The following SEMA4D variants were observed in gnomAD, a reference collection of about 807,000 sequenced individuals.
SEMA4D encodes semaphorin 4D, also known as semaphorin-4D.
SEMA4D carries 22 observed loss-of-function variants against 74.8 expected under a neutral mutation model. The observed-to-expected ratio is 0.29, with a 90% CI of 0.21 to 0.42. The LOEUF is 0.42. Among genes scored for constraint, SEMA4D ranks in the 10% least tolerant of loss-of-function variants. The pLI, the probability that SEMA4D is intolerant of heterozygous loss-of-function variation, is 1.00. For missense variants in SEMA4D, 937 were observed against 1,118.4 expected (o/e 0.84, Z 2.31); for synonymous variants, 445 against 463.7 (o/e 0.96, Z 0.52).
intron 9 of SEMA4D, 91 bp from the exon 10 acceptor site, chr9:89,389,138 C>A: frequency 2.2e-6 from 3 of 1,372,528 alleles, no homozygotes; most frequent in Non-Finnish European, 3.1e-6. Context: ...CATGGCCCAG[C>A]ACAGCGCGGC....
At chr9:89,383,676 AGACATCG>A (rs1837715843) in intron 13 of SEMA4D, among the ~76,000 whole-genome samples, 1 of 152,280 alleles carries the variant, frequency 6.6e-6, no homozygotes, top group African/African-American at 2.4e-5. Context: ...TGGCTATGTG[AGACATCG>A]GACATGTGGA....
chr9:89,497,475 G>T (rs1826116204), intron 1 of SEMA4D: 1 of 152,018 alleles, frequency 6.6e-6, no homozygotes, highest in Non-Finnish European at 1.5e-5. Context: ...GCTGGCCGGA[G>T]TGGGGCCTGA....
At chr9:89,446,949 G>A (rs35378526) in intron 2 of SEMA4D, among the ~76,000 whole-genome samples, 23,695 of 152,144 alleles carry the variant, frequency 0.16, 2,447 homozygotes, top group South Asian at 0.23. Context: ...CAGGAGATAA[G>A]AGGAGACCCT....
Position 89,363,762 on chromosome 9 carries a change from G to A in SEMA4D, c.2071C>T (p.Gln691Ter), listed in dbSNP as rs1433791313. 2.5e-6 allele frequency: 4 copies of A among 1,613,058 alleles called. No individual in the cohort carries two copies. Among genetic ancestry groups the A allele is most frequent in the South Asian group, 1.1e-5 (1 of 91,092 alleles). Residue 691 changes from glutamine to a stop codon, truncating the protein, a stop_gained, in exon 17 of 19, where the codon CAG (glutamine) becomes TAG (stop). Transcript: ENST00000339861. LOFTEE classifies it high-confidence loss of function. ...TTACCAGGTCTCATCACAGCAACCTGCACCTTCGAAGTCTTGTTCCCTGCT... is the reference window on the plus strand; with the variant it reads ...TTACCAGGTCTCATCACAGCAACCTACACCTTCGAAGTCTTGTTCCCTGCT...
Position 89,363,582 on chromosome 9 carries a change from T to C in SEMA4D, c.2093-55A>G. The stretch of plus-strand genomic sequence containing the variant: ...AGCTCTGTGGGCCTTTATGGCACCC[T>C]TGATGCCCACTGGCCACCTTTCTCA... On this transcript the variant is annotated intron_variant, in intron 17 of 18. Coordinates refer to the SEMA4D transcript ENST00000339861. 1.2e-6 allele frequency: 2 copies of C among 1,608,710 alleles called. 1 individual carries two copies. Among genetic ancestry groups the C allele is most frequent in the South Asian group, 2.2e-5 (2 of 90,884 alleles).
chr9:89,390,363 TGCGGGGC>T (rs1318365808), intron 9 of SEMA4D, among the ~76,000 whole-genome samples: 2 of 56,048 alleles, frequency 3.6e-5, no homozygotes, highest in Admixed American at 4.0e-4. Flanking sequence ...CAGCCACGGC[TGCGGGGC>T]TGCGGGGCAG....
At chr9:89,462,975 G>GGAGC (rs761199334) in intron 1 of SEMA4D, among the ~76,000 whole-genome samples, 1,411 of 116,344 alleles carry the variant, frequency 0.012, 103 homozygotes, top group Non-Finnish European at 0.018. Flanking sequence ...CGAGGGGAGG[G>GGAGC]GAGCGAGGGA....
chr9:89,393,799 C>A, intron 6 of SEMA4D, 144 bp from the exon 7 acceptor site: 1 of 652,812 alleles, frequency 1.5e-6, no homozygotes, highest in Non-Finnish European at 2.7e-6. Flanking sequence ...CTACAGGAGT[C>A]CCGCCCACTA....
intron 13 of SEMA4D, among the ~76,000 whole-genome samples, chr9:89,382,258 G>A (rs1355026915): frequency 1.3e-5 from 2 of 152,224 alleles, no homozygotes; most frequent in Non-Finnish European, 2.9e-5. Flanking sequence ...GAGGTGGCCC[G>A]TGGAGCGCGC....
At chr9:89,453,521 G>A (rs1032679143) in intron 2 of SEMA4D, among the ~76,000 whole-genome samples, 1 of 152,234 alleles carries the variant, frequency 6.6e-6, no homozygotes. Flanking sequence ...GCTGGAAGGC[G>A]ATGGCCCCCA....
intron 2 of SEMA4D, among the ~76,000 whole-genome samples, chr9:89,454,487 G>A (rs894260990): frequency 6.6e-6 from 1 of 152,190 alleles, no homozygotes; most frequent in African/African-American, 2.4e-5. Context: ...GGGGGCCTTG[G>A]ACAGGTGGGC....
At chr9:89,428,707 C>T (rs1181645858) in intron 2 of SEMA4D, among the ~76,000 whole-genome samples, 1 of 152,232 alleles carries the variant, frequency 6.6e-6, no homozygotes, top group Admixed American at 6.5e-5. Context: ...GGCCCCCGGC[C>T]CCACCTACAG....
rs1354393521 is a variant in SEMA4D, at chr9:89,381,478, G to A, written c.1447-132C>T. 1.1e-6 allele frequency: 1 copy of A among 883,494 alleles called. No individual in the cohort carries two copies. Among genetic ancestry groups the A allele is most frequent in the Non-Finnish European group, 1.6e-6 (1 of 606,580 alleles). The allele number at this position is 883,494 out of a possible 1,614,324, so 54.7% of individuals were successfully genotyped here. On this transcript the variant is annotated intron_variant, in intron 13 of 15. Transcript: ENST00000422704. This position sits in a 1 kb window ranked among gnomAD's most constrained non-coding sequence, Gnocchi z 4.6. ...GGGGACATTGCAGTAAGGAGGAGAG[G>A]TACTCAGAACCAGAGGCAAACAAGG...
In SEMA4D at chr9:89,378,788, C is replaced by T. The variant is rs766949838; in HGVS notation, c.2505G>A (p.Arg835=). The change falls in exon 16 of 16, where the codon AGG becomes AGA. Residue 835 remains arginine (R), a synonymous_variant. Transcript: ENST00000422704. The part of the protein sequence containing the change: ...KVPTDREDSQ[R]IDDLSARDKP... ...TGTCCCTGGCAGAAAGGTCGTCGATCCTCTGTGAGTCCTCCCTATCCGTGG... is the reference window on the plus strand; with the variant it reads ...TGTCCCTGGCAGAAAGGTCGTCGATTCTCTGTGAGTCCTCCCTATCCGTGG... 1.9e-6 allele frequency: 3 copies of T among 1,614,108 alleles called. No homozygotes were observed. Among genetic ancestry groups the T allele is most frequent in the African/African-American group, 2.7e-5 (2 of 74,944 alleles).
At chr9:89,404,511 C>A (rs764001474) in intron 3 of SEMA4D, among the ~76,000 whole-genome samples, 1 of 152,134 alleles carries the variant, frequency 6.6e-6, no homozygotes, top group African/African-American at 2.4e-5. Context: ...TCCTCAGCCA[C>A]CTGCCTGAGC....
At chr9:89,436,616 A>G (rs1850466944) in intron 2 of SEMA4D, 1 of 152,368 alleles carries the variant, frequency 6.6e-6, no homozygotes, top group African/African-American at 2.4e-5. Flanking sequence ...CCTTTTAAAC[A>G]GCGGGGCTGT....
At chr9:89,466,187 C>T (rs1390321882) in intron 1 of SEMA4D, among the ~76,000 whole-genome samples, 3 of 152,094 alleles carry the variant, frequency 2.0e-5, no homozygotes, top group African/African-American at 7.2e-5. Context: ...GGGGCACACA[C>T]CAAGGGATCA....
rs186555089 is a variant in SEMA4D, at chr9:89,364,090, G to A, written c.1883-140C>T. On this transcript the variant is annotated intron_variant, in intron 16 of 18. Coordinates refer to the SEMA4D transcript ENST00000339861. ...GGACAACTTCCAATTCAGTCCCTGG[G>A]ACTGCCCTGGAGGTGGCTTCCCCAT... The A allele has an allele frequency of 2.8e-4, 427 of 1,546,054 alleles. 1 individual carries two copies. In the African/African-American group the frequency reaches 4.9e-3, roughly 18 times the overall value.
intron 2 of SEMA4D, among the ~76,000 whole-genome samples, chr9:89,409,624 C>T (rs111702799): frequency 2.0e-5 from 3 of 152,092 alleles, no homozygotes; most frequent in Non-Finnish European, 4.4e-5. Context: ...GAGTTCCTTG[C>T]CAGTCACAAA....
Sources: allele counts gnomAD v4.1 joint callset (sites outside exome capture counted in the v4.1 genomes callset), GRCh38; gene constraint gnomAD v4.1.1; non-coding constraint Gnocchi (gnomAD v3.1); transcripts MANE v1.5; gene names NCBI Gene and HGNC (gene_info 2026-07-23, HGNC 2026-07-21).